Variants in ADAMTS6 observed in about 807,000 individuals in gnomAD.
ADAMTS6 encodes the protein ADAM metallopeptidase with thrombospondin type 1 motif 6, also known as A disintegrin and metalloproteinase with thrombospondin motifs 6.
In ADAMTS6, 23 loss-of-function variants were observed where a neutral mutation model predicts 144.3. That is an observed-to-expected ratio of 0.16 (90% CI 0.11 to 0.23). ADAMTS6 has a LOEUF of 0.23. Among genes scored for constraint, ADAMTS6 ranks in the 10% least tolerant of loss-of-function variants. The pLI, the probability that ADAMTS6 is intolerant of heterozygous loss-of-function variation, is 1.00. For missense variants in ADAMTS6, 999 were observed against 1,379.6 expected (o/e 0.72, Z 4.37); for synonymous variants, 444 against 457.5 (o/e 0.97, Z 0.38).
At chr5:65,393,837 A>C (rs1247728714) in intron 7 of ADAMTS6, among the ~76,000 whole-genome samples, 1 of 152,228 alleles carries the variant, frequency 6.6e-6, no homozygotes, top group Admixed American at 6.5e-5. Flanking sequence ...TAGGTTTAAG[A>C]GGATATAAAA....
intron 7 of ADAMTS6, among the ~76,000 whole-genome samples, chr5:65,388,399 TA>T (rs1267078528): frequency 6.6e-6 from 1 of 152,106 alleles, no homozygotes; most frequent in Non-Finnish European, 1.5e-5. Context: ...GATGAAGTTA[TA>T]ACACTGAAAC....
chr5:65,427,019 GA>G (rs1288396511), intron 7 of ADAMTS6, among the ~76,000 whole-genome samples: 4 of 152,014 alleles, frequency 2.6e-5, no homozygotes, highest in Non-Finnish European at 5.9e-5. Context: ...CAAAAAGGAT[GA>G]AGAAATAAAC....
chr5:65,391,083 G>A (rs1030608959), intron 7 of ADAMTS6, among the ~76,000 whole-genome samples: 19 of 151,976 alleles, frequency 1.3e-4, no homozygotes, highest in Non-Finnish European at 2.1e-4. Flanking sequence ...ACCACAGCTG[G>A]CTAAGTTTTG....
intron 11 of ADAMTS6, among the ~76,000 whole-genome samples, chr5:65,275,815 T>C (rs2112674508): frequency 6.6e-6 from 1 of 152,144 alleles, no homozygotes; most frequent in Non-Finnish European, 1.5e-5. Context: ...GCTCCATGTA[T>C]CAAAAATCTA....
intron 7 of ADAMTS6, among the ~76,000 whole-genome samples, chr5:65,382,644 T>C (rs191486975): frequency 9.7e-4 from 148 of 152,370 alleles, no homozygotes; most frequent in Non-Finnish European, 1.7e-3. Flanking sequence ...ACTTCATTTT[T>C]GCCTTCCTCC....
At chr5:65,192,927 C>T (rs1755106620) in intron 21 of ADAMTS6, among the ~76,000 whole-genome samples, 1 of 151,814 alleles carries the variant, frequency 6.6e-6, no homozygotes. Flanking sequence ...TTTTTGTATA[C>T]TGTACTTATA....
chr5:65,366,282 T>C lies in ADAMTS6; in HGVS notation c.1074-32197A>G, dbSNP rs554845077. Among the ~76,000 whole-genome samples the C allele has an allele frequency of 4.5e-4, 69 of 152,310 alleles. 2 individuals are homozygous for C. The highest frequency in any genetic ancestry group is 4.4e-3 in the Admixed American group (68 of 15,302). On this transcript the variant is annotated intron_variant, in intron 7 of 24. Transcript: ENST00000381055. Reference sequence around the variant, plus strand: ...TAAAATATTTTAAGTTATTTACTAATGGTAATGGTAAAAAAATGTTGGCAG... The same window carrying C: ...TAAAATATTTTAAGTTATTTACTAACGGTAATGGTAAAAAAATGTTGGCAG...
At chr5:65,368,402 G>C (rs760403289) in intron 7 of ADAMTS6, among the ~76,000 whole-genome samples, 1 of 152,114 alleles carries the variant, frequency 6.6e-6, no homozygotes, top group South Asian at 2.1e-4. Context: ...CCCTCACTTT[G>C]CTTTTCAATG....
chr5:65,411,069 C>T (rs1255797851), intron 7 of ADAMTS6, among the ~76,000 whole-genome samples: 1 of 152,116 alleles, frequency 6.6e-6, no homozygotes, highest in Admixed American at 6.6e-5. Context: ...AACTCATGGG[C>T]TCAAGTGATC....
chr5:65,293,858 G>C (rs1436078354), intron 10 of ADAMTS6, among the ~76,000 whole-genome samples: 1 of 152,074 alleles, frequency 6.6e-6, no homozygotes, highest in Non-Finnish European at 1.5e-5. Flanking sequence ...ATGTAGTCTA[G>C]ACAAGTCTTG....
chr5:65,203,761 T>C (rs1755895960), intron 20 of ADAMTS6, among the ~76,000 whole-genome samples: 1 of 152,230 alleles, frequency 6.6e-6, no homozygotes, highest in Admixed American at 6.5e-5. Context: ...TAAAAGGCTT[T>C]ATTTTTAAAA....
chr5:65,211,551 G>A (rs565972378), intron 20 of ADAMTS6, among the ~76,000 whole-genome samples: 21 of 151,604 alleles, frequency 1.4e-4, no homozygotes, highest in African/African-American at 3.9e-4. Context: ...GCAGTGAGCC[G>A]AGATCACACC....
Position 65,215,345 on chromosome 5 carries a change from G to A in ADAMTS6, c.2415C>T (p.Thr805=), listed in dbSNP as rs900754469. 6.2e-7 allele frequency: 1 copy of A among 1,613,774 alleles called. No individual in the cohort carries two copies. The highest frequency in any genetic ancestry group is 8.5e-7 in the Non-Finnish European group (1 of 1,179,836). Residue 805 remains threonine (T), a synonymous_variant, in exon 19 of 25, where the codon ACC becomes ACT. Transcript: ENST00000381055. ...TTACCATGACGATGAGATTTTCTGA[G>A]GTAGGACCTAGAGCTTCCAAGGATT... ...EPESLEALGP[T]SENLIVMVLL... is the part of the protein sequence containing the mutation.
At chr5:65,223,928 T>A (rs1441069689) in intron 18 of ADAMTS6, among the ~76,000 whole-genome samples, 2 of 151,548 alleles carry the variant, frequency 1.3e-5, no homozygotes, top group Non-Finnish European at 2.9e-5. Context: ...GCCTCCCGAG[T>A]AGCTGGGACT....
chr5:65,395,765 T>C (rs1256366068), intron 7 of ADAMTS6, among the ~76,000 whole-genome samples: 1 of 152,188 alleles, frequency 6.6e-6, no homozygotes, highest in African/African-American at 2.4e-5. Context: ...CTGGTCCCAT[T>C]TGCAACATTG....
chr5:65,315,769 G>GA (rs2112859751), intron 9 of ADAMTS6, among the ~76,000 whole-genome samples: 1 of 152,160 alleles, frequency 6.6e-6, no homozygotes, highest in South Asian at 2.1e-4. Context: ...ATTACATAAT[G>GA]CTAAAAGCAT....
intron 9 of ADAMTS6, among the ~76,000 whole-genome samples, chr5:65,327,190 T>C (rs1408467036): frequency 2.6e-5 from 4 of 152,152 alleles, no homozygotes; most frequent in Non-Finnish European, 1.5e-5. Flanking sequence ...CTGCTTTGCC[T>C]TCCACCACAA....
chr5:65,358,152 T>C (rs186978590), intron 7 of ADAMTS6, among the ~76,000 whole-genome samples: 1 of 152,054 alleles, frequency 6.6e-6, no homozygotes, highest in African/African-American at 2.4e-5. Flanking sequence ...GGATTCATCC[T>C]GGGGATGCAG....
intron 21 of ADAMTS6, 117 bp from the exon 22 acceptor site, chr5:65,188,337 A>T: frequency 1.1e-6 from 1 of 925,984 alleles, no homozygotes; most frequent in Non-Finnish European, 1.7e-6. Flanking sequence ...AATGTTGGTT[A>T]ATAAGACAAA....
Sources: gnomAD v4.1 joint callset for allele counts (sites outside exome capture counted in the v4.1 genomes callset) on GRCh38, gnomAD v4.1.1 for gene constraint, MANE v1.5 for transcripts, NCBI Gene and HGNC (gene_info 2026-07-23, HGNC 2026-07-21) for gene names.